CSMD1: variants seen among roughly 807,000 people sequenced by gnomAD.
CSMD1 encodes the protein CUB and Sushi multiple domains 1.
Under a neutral mutation model 417.5 loss-of-function variants are expected in CSMD1, and 213 were observed. That is an observed-to-expected ratio of 0.51 (90% CI 0.46 to 0.57). The LOEUF is 0.57. CSMD1 is among the 20% of genes least tolerant of loss of function. The probability of loss-of-function intolerance (pLI) is 0.00; values close to 1 mark genes in which losing one functional copy is unlikely to be tolerated. For missense variants in CSMD1, 6,923 were observed against 4,529.7 expected, an observed-to-expected ratio of 1.53 and a Z score of -15.17; for synonymous variants, 2,862 against 1,736.8, an observed-to-expected ratio of 1.65 and a Z score of -16.11.
chr8:4,112,851 T>A (rs939087995), intron 3 of CSMD1, among the ~76,000 whole-genome samples: 3 of 152,234 alleles, frequency 2.0e-5, no homozygotes, highest in African/African-American at 7.2e-5. Context: ...TTGCTGATAT[T>A]GCGTTTTTAA....
At chr8:3,014,824 G>A (rs941710343) in intron 52 of CSMD1, among the ~76,000 whole-genome samples, 1 of 152,044 alleles carries the variant, frequency 6.6e-6, no homozygotes, top group Non-Finnish European at 1.5e-5. Flanking sequence ...GCTGAGGTGG[G>A]AGGAGCACTT....
At chr8:3,854,252 T>C (rs36101404) in intron 5 of CSMD1, among the ~76,000 whole-genome samples, 13,200 of 150,606 alleles carry the variant, frequency 0.088, 669 homozygotes, top group South Asian at 0.18. Flanking sequence ...TCAGGAGTAA[T>C]ACATTTAACT....
At chr8:4,543,668 T>C (rs1181950378) in intron 2 of CSMD1, among the ~76,000 whole-genome samples, 1 of 101,624 alleles carries the variant, frequency 9.8e-6, no homozygotes, top group Non-Finnish European at 1.9e-5. Flanking sequence ...CACGTTTAAT[T>C]TTGAAAAAAA....
intron 54 of CSMD1, among the ~76,000 whole-genome samples, chr8:2,991,549 GA>G (rs1806388036): frequency 6.6e-6 from 1 of 152,132 alleles, no homozygotes; most frequent in Non-Finnish European, 1.5e-5. Context: ...CCTGGAATTT[GA>G]ATTTTTTTAA....
chr8:4,229,311 T>C (rs942846958), intron 3 of CSMD1, among the ~76,000 whole-genome samples: 2 of 152,160 alleles, frequency 1.3e-5, no homozygotes, highest in Admixed American at 6.5e-5. Flanking sequence ...CACCATTATC[T>C]ATCACCTGAA....
At chr8:4,824,856 G>A (rs1020003580) in intron 1 of CSMD1, among the ~76,000 whole-genome samples, 7 of 152,114 alleles carry the variant, frequency 4.6e-5, no homozygotes, top group African/African-American at 1.4e-4. Flanking sequence ...GTATCTCCAA[G>A]TGAAATGTCA....
chr8:4,511,464 T>C (rs1268902934), intron 2 of CSMD1, among the ~76,000 whole-genome samples: 1 of 152,232 alleles, frequency 6.6e-6, no homozygotes, highest in East Asian at 1.9e-4. Context: ...TACAGTTTCT[T>C]CTGGTTTCCT....
At chr8:4,668,494 G>C (rs553046225) in intron 1 of CSMD1, among the ~76,000 whole-genome samples, 11 of 149,512 alleles carry the variant, frequency 7.4e-5, no homozygotes, top group Non-Finnish European at 1.5e-4. Context: ...CTGTCACCCA[G>C]GCTGGAGTGC....
intron 6 of CSMD1, among the ~76,000 whole-genome samples, chr8:3,753,378 G>A (rs984700875): frequency 6.6e-6 from 1 of 152,124 alleles, no homozygotes; most frequent in Non-Finnish European, 1.5e-5. Flanking sequence ...AGAAACCAGA[G>A]AGAAAAAGAA....
chr8:3,480,294 G>A (rs539722592), intron 11 of CSMD1, among the ~76,000 whole-genome samples: 36 of 152,242 alleles, frequency 2.4e-4, no homozygotes, highest in Admixed American at 7.8e-4. Context: ...CCCAGGAGGC[G>A]GAGGATGCAT....
intron 3 of CSMD1, among the ~76,000 whole-genome samples, chr8:4,372,510 A>T (rs1802454694): frequency 6.6e-6 from 1 of 152,158 alleles, no homozygotes; most frequent in Admixed American, 6.6e-5. Context: ...ACAGAAAAAA[A>T]GTCCTCTAAT....
intron 4 of CSMD1, among the ~76,000 whole-genome samples, chr8:4,005,624 T>C (rs1816051409): frequency 1.3e-5 from 2 of 152,342 alleles, no homozygotes; most frequent in African/African-American, 2.4e-5. Context: ...TCACTCTCAA[T>C]TGAGAGAACA....
In CSMD1 at chr8:4,143,571, C is replaced by A. The variant is rs577423216; in HGVS notation, c.416-111472G>T. On this transcript the variant is annotated intron_variant, in intron 3 of 69. Coordinates refer to ENST00000635120, the MANE Select transcript of CSMD1 (RefSeq NM_033225.6). ...ATACTTGTAAGGCTTAGATATGACC[C>A]ACAGTTGTCAACCCCTTTAACTAGT... 2.0e-5 allele frequency among the ~76,000 whole-genome samples: 3 copies of A among 151,002 alleles called. No homozygotes were observed. The South Asian group carries it at 6.2e-4, about 31-fold the overall frequency.
At chr8:4,467,491 G>C (rs550962919) in intron 2 of CSMD1, among the ~76,000 whole-genome samples, 1 of 152,158 alleles carries the variant, frequency 6.6e-6, no homozygotes, top group African/African-American at 2.4e-5. Context: ...AGTGGCCAGA[G>C]GATAGAGTTC....
At chr8:3,808,440 T>C (rs981478140) in intron 5 of CSMD1, among the ~76,000 whole-genome samples, 1 of 152,100 alleles carries the variant, frequency 6.6e-6, no homozygotes, top group African/African-American at 2.4e-5. Context: ...TTGGAATGAG[T>C]CTTCAAAAGC....
At chr8:4,802,761 A>G (rs1394459005) in intron 1 of CSMD1, among the ~76,000 whole-genome samples, 1 of 152,212 alleles carries the variant, frequency 6.6e-6, no homozygotes, top group East Asian at 1.9e-4. Flanking sequence ...ATTTATTGTT[A>G]TACTCATTCT....
intron 3 of CSMD1, among the ~76,000 whole-genome samples, chr8:4,179,599 G>T (rs1050107982): frequency 1.2e-4 from 18 of 151,910 alleles, no homozygotes; most frequent in Middle Eastern, 6.8e-3. Flanking sequence ...AAACTATAGA[G>T]CTTCTGCACA....
At chr8:4,173,185 T>A (rs7005623) in intron 3 of CSMD1, among the ~76,000 whole-genome samples, 13,463 of 152,172 alleles carry the variant, frequency 0.088, 741 homozygotes, top group South Asian at 0.21. Context: ...TACAGGATGC[T>A]CAATTAAAAG....
chr8:3,820,878 C>T (rs570428501), intron 5 of CSMD1, among the ~76,000 whole-genome samples: 2 of 152,130 alleles, frequency 1.3e-5, no homozygotes, highest in South Asian at 2.1e-4. Context: ...ATGCCTTCTT[C>T]GGAATACCTC....
Sources: gnomAD v4.1 joint callset for allele counts (sites outside exome capture counted in the v4.1 genomes callset) on GRCh38, gnomAD v4.1.1 for gene constraint, MANE v1.5 for transcripts, NCBI Gene and HGNC (gene_info 2026-07-23, HGNC 2026-07-21) for gene names.